Variants in NRXN3 observed in about 807,000 individuals in gnomAD.
NRXN3 encodes neurexin 3, also known as neurexin III.
Under a neutral mutation model 137.6 loss-of-function variants are expected in NRXN3, and 32 were observed. The ratio of observed to expected loss-of-function variants is 0.23; its 90% CI spans 0.18 to 0.31. The LOEUF (loss-of-function observed/expected upper bound fraction) is 0.31. Ranked by LOEUF, NRXN3 falls within the 10% of genes least tolerant of loss-of-function variation. The pLI is 1.00. For missense variants in NRXN3, 1,574 were observed against 2,062.5 expected, an observed-to-expected ratio of 0.76 and a Z score of 4.59; for synonymous variants, 798 against 784.5, an observed-to-expected ratio of 1.02 and a Z score of -0.29.
intron 8 of NRXN3, among the ~76,000 whole-genome samples, chr14:78,780,933 A>G (rs1228013397): frequency 6.6e-6 from 1 of 152,218 alleles, no homozygotes; most frequent in African/African-American, 2.4e-5. Context: ...ACAATTGCAT[A>G]TTTATGTAAA....
intron 15 of NRXN3, among the ~76,000 whole-genome samples, chr14:79,018,295 AAGAGAG>A (rs1319003624): frequency 5.6e-4 from 9 of 16,000 alleles, no homozygotes; most frequent in African/African-American, 8.2e-4. Context: ...AAAAAAAAAA[AAGAGAG>A]AGAGCAAGAA....
intron 15 of NRXN3, among the ~76,000 whole-genome samples, chr14:79,254,499 G>GA (rs113536813): frequency 0.031 from 4,684 of 152,148 alleles, 222 homozygotes; most frequent in African/African-American, 0.1. Flanking sequence ...GGCTCAAGCA[G>GA]AAAAAATGGG....
intron 15 of NRXN3, among the ~76,000 whole-genome samples, chr14:79,446,602 A>G (rs2096067568): frequency 6.6e-6 from 1 of 152,018 alleles, no homozygotes; most frequent in Admixed American, 6.6e-5. Context: ...CTTATAAGGT[A>G]CCTACTAATC....
chr14:79,851,687 AT>A (rs2099391764), intron 20 of NRXN3, among the ~76,000 whole-genome samples: 1 of 152,124 alleles, frequency 6.6e-6, no homozygotes, highest in Non-Finnish European at 1.5e-5. Context: ...TTGGTTGAAC[AT>A]TAATGTTCTC....
At chr14:78,828,095 C>T (rs2098972060) in intron 10 of NRXN3, among the ~76,000 whole-genome samples, 1 of 152,072 alleles carries the variant, frequency 6.6e-6, no homozygotes, top group African/African-American at 2.4e-5. Context: ...AGGATTTTAC[C>T]ATAGTTTTAT....
Position 79,861,101 on chromosome 14 carries a change from C to T in NRXN3, c.4094-241C>T, listed in dbSNP as rs1450875859. ...TTTAGCTACCCCTCCTATTGCTACT[C>T]GTGCACCTTCCATTACACTCCCCCC... is the stretch of plus-strand genomic sequence containing the variant. On this transcript the variant is annotated intron_variant, in intron 20 of 20. Coordinates refer to ENST00000335750, the MANE Select transcript of NRXN3 (RefSeq NM_001330195.2). The surrounding 1 kb of genome is among the most constrained non-coding windows in gnomAD (Gnocchi z 5.4). 10 of 1,456,478 alleles carry T rather than the reference C, an allele frequency of 6.9e-6. No individual in the cohort carries two copies. Among genetic ancestry groups the T allele is most frequent in the South Asian group, 2.9e-5 (2 of 70,066 alleles). 90.2% of individuals were successfully genotyped at this position (1,456,478 alleles called of 1,614,324 possible).
intron 15 of NRXN3, among the ~76,000 whole-genome samples, chr14:79,306,965 G>T (rs934293014): frequency 7.2e-5 from 11 of 152,058 alleles, no homozygotes; most frequent in African/African-American, 2.4e-4. Context: ...CTTATTAAGA[G>T]CTGTCTCCTT....
rs76783147 is a variant in NRXN3, at chr14:78,394,990, A to G, written c.757+97130A>G. Among the ~76,000 whole-genome samples, 800 of 151,758 alleles carry G rather than the reference A, an allele frequency of 5.3e-3. 32 individuals carry two copies. The East Asian group carries it at 0.084, about 16-fold the overall frequency. On this transcript the variant is annotated intron_variant, in intron 4 of 20. Coordinates refer to ENST00000335750, the MANE Select transcript of NRXN3 (RefSeq NM_001330195.2). ...TGTCAGTCTTGCAAGATGCTTGTTG[A>G]TTTTGAGCTTTTCAAGGAATCATCT...
rs77589968 is a variant in NRXN3, at chr14:78,216,192, AT to A, written c.-703-26189del. Among the ~76,000 whole-genome samples the A allele has an allele frequency of 3.1e-3, 462 of 150,410 alleles. 3 individuals carry two copies. The highest frequency in any genetic ancestry group is 0.011 in the African/African-American group (443 of 40,966). The stretch of plus-strand genomic sequence containing the variant: ...TAAAAGTAATTATATTCAAAGACAG[AT>A]TTTTTTTTTCTTCCTAAAGGTATCA... On this transcript the variant is annotated intron_variant, in intron 1 of 20. Transcript: ENST00000335750.
At chr14:79,833,527 ACCT>A (rs1473049706) in intron 20 of NRXN3, among the ~76,000 whole-genome samples, 1 of 151,888 alleles carries the variant, frequency 6.6e-6, no homozygotes, top group Non-Finnish European at 1.5e-5. Flanking sequence ...GACGGACAAA[ACCT>A]CCTGAATTTC....
chr14:78,266,989 C>T (rs1461769986), intron 2 of NRXN3, among the ~76,000 whole-genome samples: 1 of 152,156 alleles, frequency 6.6e-6, no homozygotes, highest in Admixed American at 6.5e-5. Flanking sequence ...CAGTTGAATG[C>T]TGTCTTGAGC....
At chr14:78,762,106 T>C (rs8012511) in intron 8 of NRXN3, among the ~76,000 whole-genome samples, 48,667 of 152,036 alleles carry the variant, frequency 0.32, 11,689 homozygotes, top group African/African-American at 0.68. Context: ...TTCTCTTTAT[T>C]ATTAAACTAT....
At chr14:79,581,370 G>A (rs1221241313) in intron 16 of NRXN3, among the ~76,000 whole-genome samples, 1 of 152,118 alleles carries the variant, frequency 6.6e-6, no homozygotes, top group South Asian at 2.1e-4. Context: ...GTATTCAACA[G>A]CCTTCAGCAT....
At chr14:78,274,608 C>T (rs965525997) in intron 2 of NRXN3, among the ~76,000 whole-genome samples, 1 of 152,178 alleles carries the variant, frequency 6.6e-6, no homozygotes, top group African/African-American at 2.4e-5. Flanking sequence ...AATTGTTTCC[C>T]TTGGACTTGA....
chr14:79,003,112 T>G (rs2099545090), intron 15 of NRXN3, among the ~76,000 whole-genome samples: 1 of 152,092 alleles, frequency 6.6e-6, no homozygotes, highest in Admixed American at 6.5e-5. Flanking sequence ...CCAAGTAGCT[T>G]GAACTACAGG....
At chr14:78,978,512 C>G (rs1046735082) in intron 14 of NRXN3, among the ~76,000 whole-genome samples, 1 of 152,082 alleles carries the variant, frequency 6.6e-6, no homozygotes, top group Non-Finnish European at 1.5e-5. Context: ...GTAAATGACT[C>G]TCTTCAGAAA....
chr14:79,051,283 T>G (rs2099641552), intron 15 of NRXN3, among the ~76,000 whole-genome samples: 1 of 152,196 alleles, frequency 6.6e-6, no homozygotes, highest in African/African-American at 2.4e-5. Context: ...GTATGACAGC[T>G]AATACTAAAT....
chr14:79,343,375 C>T (rs142336358), intron 15 of NRXN3, among the ~76,000 whole-genome samples: 2 of 152,128 alleles, frequency 1.3e-5, no homozygotes, highest in African/African-American at 4.8e-5. Context: ...CAGGAATGAA[C>T]AAGGACAGCT....
chr14:79,362,012 A>ATTATTG (rs2093699989), intron 15 of NRXN3, among the ~76,000 whole-genome samples: 3 of 146,664 alleles, frequency 2.0e-5, no homozygotes, highest in African/African-American at 7.4e-5. Flanking sequence ...TATTATTATT[A>ATTATTG]TTATTATTAT....
Sources: allele counts gnomAD v4.1 joint callset (sites outside exome capture counted in the v4.1 genomes callset), GRCh38; gene constraint gnomAD v4.1.1; non-coding constraint Gnocchi (gnomAD v3.1); transcripts MANE v1.5; gene names NCBI Gene and HGNC (gene_info 2026-07-23, HGNC 2026-07-21).